Variants in CTNNA3 observed in about 807,000 individuals in gnomAD.
CTNNA3 encodes the protein catenin alpha-3.
CTNNA3 carries 76 observed loss-of-function variants against 95.7 expected under a neutral mutation model. The ratio of observed to expected loss-of-function variants is 0.79; its 90% confidence interval spans 0.66 to 0.96. CTNNA3 has a LOEUF of 0.96. CTNNA3 is among the 40% of genes least tolerant of loss of function. The pLI is 0.00. For missense variants in CTNNA3, 1,191 were observed against 1,089.8 expected, an observed-to-expected ratio of 1.09 and a Z score of -1.31; for synonymous variants, 431 against 374.4, an observed-to-expected ratio of 1.15 and a Z score of -1.74.
intron 7 of CTNNA3, among the ~76,000 whole-genome samples, chr10:66,886,265 GGTCTCTTA>G (rs1564744339): frequency 6.6e-6 from 1 of 152,058 alleles, no homozygotes; most frequent in South Asian, 2.1e-4. Flanking sequence ...CAACAGACCT[GGTCTCTTA>G]TTGCGAGAAA....
intron 7 of CTNNA3, among the ~76,000 whole-genome samples, chr10:67,021,218 A>G (rs887431107): frequency 3.3e-5 from 5 of 151,944 alleles, no homozygotes; most frequent in Non-Finnish European, 5.9e-5. Flanking sequence ...CAATACTGGG[A>G]AAAAAAAGCT....
At chr10:67,481,984 A>G (rs1848250899) in intron 5 of CTNNA3, among the ~76,000 whole-genome samples, 1 of 151,980 alleles carries the variant, frequency 6.6e-6, no homozygotes. Flanking sequence ...CAGTTTTCCC[A>G]GCACCATTTA....
At chr10:66,571,471 G>T (rs1369983999) in intron 10 of CTNNA3, among the ~76,000 whole-genome samples, 1 of 152,164 alleles carries the variant, frequency 6.6e-6, no homozygotes, top group East Asian at 1.9e-4. Flanking sequence ...GAGGAAATTG[G>T]CTTAGAAGAG....
At chr10:67,329,770 G>A (rs564810090) in intron 5 of CTNNA3, among the ~76,000 whole-genome samples, 2 of 152,208 alleles carry the variant, frequency 1.3e-5, no homozygotes, top group Non-Finnish European at 2.9e-5. Context: ...TTAGCTGCAA[G>A]TTAAAGACAC....
chr10:67,559,357 G>A (rs77631360), intron 3 of CTNNA3, among the ~76,000 whole-genome samples: 67 of 152,274 alleles, frequency 4.4e-4, no homozygotes, highest in Admixed American at 4.1e-3. Flanking sequence ...TGCAGCCACC[G>A]CTGCTGATAC....
chr10:66,087,505 C>G (rs1440432598), intron 14 of CTNNA3, among the ~76,000 whole-genome samples: 3 of 151,974 alleles, frequency 2.0e-5, no homozygotes, highest in Non-Finnish European at 2.9e-5. Flanking sequence ...ATTGTCTGGT[C>G]CAAAATGTCA....
At chr10:66,105,897 T>C (rs1227985780) in intron 13 of CTNNA3, among the ~76,000 whole-genome samples, 1 of 152,122 alleles carries the variant, frequency 6.6e-6, no homozygotes, top group Non-Finnish European at 1.5e-5. Context: ...TCTAATAATT[T>C]TGAGGGCAAT....
At chr10:67,518,333 C>T (rs1417458840) in intron 5 of CTNNA3, among the ~76,000 whole-genome samples, 1 of 152,114 alleles carries the variant, frequency 6.6e-6, no homozygotes, top group Non-Finnish European at 1.5e-5. Flanking sequence ...TTCAGTTTGA[C>T]TTTAAAGAAT....
chr10:66,809,269 T>C (rs1481197564), intron 7 of CTNNA3, among the ~76,000 whole-genome samples: 1 of 152,228 alleles, frequency 6.6e-6, no homozygotes, highest in African/African-American at 2.4e-5. Flanking sequence ...GACATCATTA[T>C]GATATTAAGT....
At chr10:66,330,573 T>C (rs1188276163) in intron 12 of CTNNA3, among the ~76,000 whole-genome samples, 1 of 152,108 alleles carries the variant, frequency 6.6e-6, no homozygotes, top group African/African-American at 2.4e-5. Context: ...TATAATCCTC[T>C]GGGTATACAC....
At chr10:66,977,697 T>C (rs997671154) in intron 7 of CTNNA3, among the ~76,000 whole-genome samples, 1 of 152,208 alleles carries the variant, frequency 6.6e-6, no homozygotes, top group Non-Finnish European at 1.5e-5. Context: ...GATAGCTATC[T>C]ACTATTGTTA....
intron 7 of CTNNA3, among the ~76,000 whole-genome samples, chr10:67,048,833 C>T (rs1197171483): frequency 2.0e-5 from 3 of 151,924 alleles, no homozygotes; most frequent in Non-Finnish European, 2.9e-5. Context: ...GATGTCTCAC[C>T]GTTCCCAGCT....
At chr10:67,339,604 A>C (rs1305960811) in intron 5 of CTNNA3, among the ~76,000 whole-genome samples, 1 of 147,554 alleles carries the variant, frequency 6.8e-6, no homozygotes, top group Non-Finnish European at 1.5e-5. Flanking sequence ...ACTACGGAGA[A>C]CTAGAAAAAT....
At chr10:66,589,894 G>A (rs1256418108) in intron 10 of CTNNA3, among the ~76,000 whole-genome samples, 2 of 151,902 alleles carry the variant, frequency 1.3e-5, no homozygotes, top group Admixed American at 6.6e-5. Flanking sequence ...AATTGTTTTT[G>A]TGATTCCCAT....
chr10:65,964,686 A>G lies in CTNNA3; in HGVS notation c.2400+1926T>C, dbSNP rs150905860. Among the ~76,000 whole-genome samples the G allele has an allele frequency of 1.6e-3, 240 of 152,320 alleles. 3 individuals carry two copies. The highest frequency in any genetic ancestry group is 5.6e-3 in the African/African-American group (231 of 41,584). ...ATTTGAAAAATAAAATTTATATGAAATTTAGACCTTACAAAGCACGATTAG... is the reference window on the plus strand; with the variant it reads ...ATTTGAAAAATAAAATTTATATGAAGTTTAGACCTTACAAAGCACGATTAG... On this transcript the variant is annotated intron_variant, in intron 17 of 17. Coordinates refer to ENST00000433211, the MANE Select transcript of CTNNA3 (RefSeq NM_013266.4).
intron 8 of CTNNA3, among the ~76,000 whole-genome samples, chr10:66,772,878 TA>T (rs940333039): frequency 2.0e-5 from 3 of 152,072 alleles, no homozygotes; most frequent in African/African-American, 7.2e-5. Flanking sequence ...TATTTTTTAC[TA>T]AAAAAAGTTT....
intron 1 of CTNNA3, among the ~76,000 whole-genome samples, chr10:67,730,419 A>G (rs1280797228): frequency 6.6e-6 from 1 of 152,062 alleles, no homozygotes; most frequent in Non-Finnish European, 1.5e-5. Context: ...GAATAAAGAC[A>G]TTTTCAGATG....
intron 14 of CTNNA3, among the ~76,000 whole-genome samples, chr10:66,085,610 T>C (rs2080952918): frequency 6.6e-6 from 1 of 152,162 alleles, no homozygotes; most frequent in African/African-American, 2.4e-5. Context: ...AGAGTCACAA[T>C]GTTGGCATGT....
At chr10:66,161,695 G>A (rs1328496295) in intron 13 of CTNNA3, among the ~76,000 whole-genome samples, 1 of 152,110 alleles carries the variant, frequency 6.6e-6, no homozygotes, top group Non-Finnish European at 1.5e-5. Context: ...ATCTTTTTAC[G>A]ATGAATTTCT....
Sources: gnomAD v4.1 joint callset for allele counts (sites outside exome capture counted in the v4.1 genomes callset) on GRCh38, gnomAD v4.1.1 for gene constraint, MANE v1.5 for transcripts, NCBI Gene and HGNC (gene_info 2026-07-23, HGNC 2026-07-21) for gene names.